Variants in LRRK1 observed in about 807,000 individuals in gnomAD.
LRRK1 encodes leucine-rich repeat serine/threonine-protein kinase 1.
A neutral mutation model predicts 209.1 loss-of-function variants in LRRK1; 113 were observed. The observed-to-expected ratio is 0.54, with a 90% CI of 0.46 to 0.63. The LOEUF (loss-of-function observed/expected upper bound fraction) is 0.63. Ranked by LOEUF, LRRK1 falls within the 30% of genes least tolerant of loss-of-function variation. The pLI is 0.00. For missense variants in LRRK1, 2,284 were observed against 2,632.2 expected (o/e 0.87, Z 2.89); for synonymous variants, 1,144 against 1,099.7 (o/e 1.04, Z -0.80).
chr15:101,006,686 C>T (rs1365901045), intron 6 of LRRK1, among the ~76,000 whole-genome samples: 1 of 152,144 alleles, frequency 6.6e-6, no homozygotes, highest in African/African-American at 2.4e-5. Context: ...GGTGAAGCAT[C>T]ACGATGTATA....
At position 101,046,130 on chromosome 15, in the gene LRRK1, GC is replaced by G; in HGVS notation, c.3115del (p.Leu1039TrpfsTer40). The G allele has an allele frequency of 6.2e-7, 1 of 1,614,254 alleles. No individual in the cohort carries two copies. On this transcript the variant is annotated frameshift_variant, in exon 21 of 34. Transcript: ENST00000388948. LOFTEE classifies it high-confidence loss of function. ...WQRFIARMLI[S>X]LAEMDLQLFE... is the part of the protein sequence containing the mutation. ...AGGTTTATAGCACGGATGCTGATCA[GC>G]CTGGCGGAGATGGACCTGCAGGTAT...
intron 3 of LRRK1, among the ~76,000 whole-genome samples, chr15:100,983,181 TAAATA>T (rs536176738): frequency 2.6e-5 from 4 of 152,054 alleles, no homozygotes; most frequent in East Asian, 1.9e-4. Flanking sequence ...TCAAAAAAAA[TAAATA>T]AAATAAAGGA....
rs148056635 is a variant in LRRK1 at position 100,976,628 on chromosome 15, T to C, written c.261+2661T>C. ...TTGGAAGGCCATCTGAAAATGCTTG[T>C]CAAATTTTCAAATTTCATTATCTTT... On this transcript the variant is annotated intron_variant, in intron 3 of 33. Transcript: ENST00000388948. 2.3e-3 allele frequency among the ~76,000 whole-genome samples: 350 copies of C among 152,346 alleles called. 2 individuals carry two copies. Among genetic ancestry groups the C allele is most frequent in the African/African-American group, 7.9e-3 (330 of 41,584 alleles).
In LRRK1 at chr15:101,024,748, A is replaced by G. The variant is rs2033944377; in HGVS notation, c.2068-55A>G. 3 of 1,575,400 alleles carry G rather than the reference A, an allele frequency of 1.9e-6. No individual in the cohort carries two copies. In the East Asian group the frequency reaches 6.8e-5, roughly 35 times the overall value. ...GTTATCCGTTGTCTCCGTTTGATTGACTGAAGCCTTTGTCTCTAAAATGCC... is the reference window on the plus strand; with the variant it reads ...GTTATCCGTTGTCTCCGTTTGATTGGCTGAAGCCTTTGTCTCTAAAATGCC... On this transcript the variant is annotated intron_variant, in intron 15 of 33. Transcript: ENST00000388948. This position sits in a 1 kb window ranked among gnomAD's most constrained non-coding sequence, Gnocchi z 4.6.
chr15:100,935,752 A>G (rs2042288659), intron 2 of LRRK1, among the ~76,000 whole-genome samples: 1 of 152,204 alleles, frequency 6.6e-6, no homozygotes, highest in Non-Finnish European at 1.5e-5. Flanking sequence ...GCTTAAAAGA[A>G]CAACGAATGA....
intron 2 of LRRK1, among the ~76,000 whole-genome samples, chr15:100,958,601 A>T (rs2042813216): frequency 6.6e-6 from 1 of 152,222 alleles, no homozygotes; most frequent in South Asian, 2.1e-4. Context: ...GAAACCCCAG[A>T]CTTCACAGTT....
chr15:101,005,600 A>G (rs917657283), intron 6 of LRRK1, among the ~76,000 whole-genome samples: 2 of 152,220 alleles, frequency 1.3e-5, no homozygotes, highest in African/African-American at 2.4e-5. Flanking sequence ...TGGTTTCTAA[A>G]TACCAATTTT....
At chr15:101,023,322 C>A (rs759659134) in intron 15 of LRRK1, among the ~76,000 whole-genome samples, 3 of 152,110 alleles carry the variant, frequency 2.0e-5, no homozygotes, top group Non-Finnish European at 2.9e-5. Context: ...GAGCAAGACT[C>A]CATTCAAAAA....
chr15:101,025,847 G>C, intron 16 of LRRK1, 118 bp from the exon 17 acceptor site: 1 of 1,005,164 alleles, frequency 9.9e-7, no homozygotes, highest in Non-Finnish European at 1.5e-6. Flanking sequence ...GCTGCAGATT[G>C]GTGGCTGAGC....
At chr15:101,045,125 A>G (rs1243627794) in intron 20 of LRRK1, among the ~76,000 whole-genome samples, 1 of 152,256 alleles carries the variant, frequency 6.6e-6, no homozygotes, top group Non-Finnish European at 1.5e-5. Flanking sequence ...TTGCGCCTGT[A>G]TGCTCGGGCC....
At chr15:100,941,434 G>GTGTGTGTC (rs1567191103) in intron 2 of LRRK1, among the ~76,000 whole-genome samples, 2 of 7,782 alleles carry the variant, frequency 2.6e-4, no homozygotes, top group African/African-American at 5.8e-4. Context: ...GTGTCTGTGT[G>GTGTGTGTC]TGTGTGTGTG....
chr15:101,063,691 C>T (rs2036334099), intron 31 of LRRK1, among the ~76,000 whole-genome samples: 1 of 151,626 alleles, frequency 6.6e-6, no homozygotes, highest in African/African-American at 2.4e-5. Flanking sequence ...TAAGAAGAGA[C>T]AGAAGGCCTA....
intron 20 of LRRK1, among the ~76,000 whole-genome samples, chr15:101,030,781 C>T (rs1247249427): frequency 4.6e-5 from 7 of 152,142 alleles, no homozygotes; most frequent in Admixed American, 3.9e-4. Flanking sequence ...TTTTTTCCAT[C>T]AGTTATCGGG....
chr15:101,044,861 C>CAGAT (rs2034971091), intron 20 of LRRK1, among the ~76,000 whole-genome samples: 2 of 152,228 alleles, frequency 1.3e-5, no homozygotes, highest in African/African-American at 2.4e-5. Context: ...AAACACTGAG[C>CAGAT]AGATAGAGAA....
At chr15:101,011,120 G>A (rs1049219573) in intron 9 of LRRK1, among the ~76,000 whole-genome samples, 2 of 152,026 alleles carry the variant, frequency 1.3e-5, no homozygotes, top group African/African-American at 2.4e-5. Context: ...GGCACAGGAC[G>A]ACTCATGCCT....
chr15:101,014,412 A>C lies in LRRK1; in HGVS notation c.1516A>C (p.Arg506=), dbSNP rs1280224800. 1 of 1,613,478 alleles carries C rather than the reference A, an allele frequency of 6.2e-7. No homozygotes were observed. The change falls in exon 11 of 34, where the codon AGA becomes CGA. Residue 506 remains arginine, a synonymous_variant. Transcript: ENST00000388948. The part of the protein sequence containing the change: ...CRQLKTLDLS[R]NQLGKNEDGL... ...GCAGCTCAAAACCCTGGATCTCTCC[A>C]GAAACCAACTTGGCAAGTAAGCAGG...
chr15:101,050,428 G>T (rs2075779119), intron 23 of LRRK1, among the ~76,000 whole-genome samples: 1 of 152,334 alleles, frequency 6.6e-6, no homozygotes, highest in Admixed American at 6.5e-5. Context: ...GCCATCTGGG[G>T]TTTAATGGGG....
intron 6 of LRRK1, among the ~76,000 whole-genome samples, chr15:100,989,970 A>G (rs2032072678): frequency 6.6e-6 from 1 of 152,050 alleles, no homozygotes; most frequent in African/African-American, 2.4e-5. Flanking sequence ...TAAAGTTATG[A>G]ATGATTGTTA....
At chr15:100,950,303 T>C (rs2042620474) in intron 2 of LRRK1, among the ~76,000 whole-genome samples, 1 of 152,202 alleles carries the variant, frequency 6.6e-6, no homozygotes, top group Non-Finnish European at 1.5e-5. Flanking sequence ...GTAAGATTTA[T>C]ACACCAAAAA....
Sources: allele counts gnomAD v4.1 joint callset (sites outside exome capture counted in the v4.1 genomes callset), GRCh38; gene constraint gnomAD v4.1.1; non-coding constraint Gnocchi (gnomAD v3.1); transcripts MANE v1.5; gene names NCBI Gene and HGNC (gene_info 2026-07-23, HGNC 2026-07-21).